Variants in LRRTM4 observed in about 807,000 individuals in gnomAD.
LRRTM4 encodes leucine rich repeat transmembrane neuronal 4, also known as leucine-rich repeat transmembrane neuronal protein 4.
In LRRTM4, 25 loss-of-function variants were observed where a neutral mutation model predicts 47.6. That is an observed-to-expected ratio of 0.53 (90% CI 0.38 to 0.73). The LOEUF (loss-of-function observed/expected upper bound fraction) is 0.73. LRRTM4 is among the 30% of genes least tolerant of loss of function. The probability of loss-of-function intolerance (pLI) is 0.00; values close to 1 mark genes in which losing one functional copy is unlikely to be tolerated. For missense variants in LRRTM4, 638 were observed against 713.4 expected (o/e 0.89, Z 1.20); for synonymous variants, 311 against 269.5 (o/e 1.15, Z -1.51).
intron 3 of LRRTM4, among the ~76,000 whole-genome samples, chr2:76,844,326 G>A (rs1182213247): frequency 2.6e-5 from 4 of 151,916 alleles, no homozygotes; most frequent in African/African-American, 9.7e-5. Flanking sequence ...TGGTAGAGAC[G>A]AGGTTTCACC....
chr2:77,481,467 C>T (rs115088674), intron 3 of LRRTM4, among the ~76,000 whole-genome samples: 2,634 of 152,242 alleles, frequency 0.017, 83 homozygotes, highest in African/African-American at 0.06. Flanking sequence ...TAAATGGATT[C>T]TACCTTTGAC....
At chr2:76,961,509 T>C (rs1222918275) in intron 3 of LRRTM4, among the ~76,000 whole-genome samples, 1 of 151,394 alleles carries the variant, frequency 6.6e-6, no homozygotes, top group Non-Finnish European at 1.5e-5. Flanking sequence ...TCTCATTATA[T>C]ATTTTCTTCA....
At chr2:76,774,417 C>T (rs185532653) in intron 3 of LRRTM4, among the ~76,000 whole-genome samples, 185 of 152,228 alleles carry the variant, frequency 1.2e-3, no homozygotes, top group South Asian at 9.5e-3. Context: ...GTCTCAATCT[C>T]CTGACCTCGT....
intron 3 of LRRTM4, among the ~76,000 whole-genome samples, chr2:77,215,963 C>G (rs1012645264): frequency 2.1e-4 from 32 of 152,140 alleles, no homozygotes; most frequent in Admixed American, 1.9e-3. Context: ...GCTGCCTCCT[C>G]CACATCATTT....
chr2:77,381,435 A>G (rs1270511317), intron 3 of LRRTM4, among the ~76,000 whole-genome samples: 3 of 152,136 alleles, frequency 2.0e-5, no homozygotes, highest in African/African-American at 7.2e-5. Context: ...GCCGTATAAC[A>G]GCAAGGGAGC....
rs568994951 is a variant in LRRTM4 at position 77,258,327 on chromosome 2, T to C, written c.1551+259991A>G. Reference sequence around the variant, plus strand: ...GTACACGTTACCATACCACAGATCATTGCACAATGGAGATATTTATGGGAT... The same window carrying C: ...GTACACGTTACCATACCACAGATCACTGCACAATGGAGATATTTATGGGAT... On this transcript the variant is annotated intron_variant, in intron 3 of 3. Transcript: ENST00000409884. Among the ~76,000 whole-genome samples, 52 of 152,204 alleles carry C rather than the reference T, an allele frequency of 3.4e-4. 2 individuals are homozygous for C. The highest frequency in any genetic ancestry group is 3.3e-3 in the Admixed American group (51 of 15,250).
In LRRTM4 at chr2:76,937,880, A is replaced by G. The variant is rs375401784; in HGVS notation, c.1552-188964T>C. Among the ~76,000 whole-genome samples the G allele has an allele frequency of 7.9e-5, 12 of 152,166 alleles. No individual in the cohort carries two copies. The South Asian group carries it at 2.5e-3, about 32-fold the overall frequency. ...TGCACCCGGCCATCTTTATATATAT[A>G]TTTTTAAAAATGAAACCTTAATACC... On this transcript the variant is annotated intron_variant, in intron 3 of 3. Coordinates refer to ENST00000409884, the MANE Select transcript of LRRTM4 (RefSeq NM_001134745.3).
chr2:77,045,945 T>C (rs958937513), intron 3 of LRRTM4, among the ~76,000 whole-genome samples: 6 of 151,992 alleles, frequency 3.9e-5, no homozygotes, highest in African/African-American at 1.2e-4. Context: ...ATTTGATTGT[T>C]ATATCTCTTA....
chr2:77,181,152 CA>C (rs1194551269), intron 3 of LRRTM4, among the ~76,000 whole-genome samples: 1 of 152,102 alleles, frequency 6.6e-6, no homozygotes, highest in Non-Finnish European at 1.5e-5. Flanking sequence ...TGTCTGTAAA[CA>C]ATACTACAGG....
At chr2:77,368,786 TAA>T (rs1309892928) in intron 3 of LRRTM4, among the ~76,000 whole-genome samples, 1 of 151,756 alleles carries the variant, frequency 6.6e-6, no homozygotes, top group Non-Finnish European at 1.5e-5. Context: ...CTGTAGTGAA[TAA>T]TGCTGAAGTG....
chr2:77,187,403 T>C (rs1343855367), intron 3 of LRRTM4, among the ~76,000 whole-genome samples: 2 of 142,912 alleles, frequency 1.4e-5, no homozygotes, highest in African/African-American at 2.6e-5. Context: ...TGAGCCTGCC[T>C]ATATAAAAGT....
At chr2:77,084,163 T>C (rs1051677800) in intron 3 of LRRTM4, among the ~76,000 whole-genome samples, 7 of 152,146 alleles carry the variant, frequency 4.6e-5, no homozygotes, top group Non-Finnish European at 8.8e-5. Flanking sequence ...CGATAATATA[T>C]GAACAGAAAG....
At chr2:77,073,140 G>C (rs1312848126) in intron 3 of LRRTM4, among the ~76,000 whole-genome samples, 1 of 151,176 alleles carries the variant, frequency 6.6e-6, no homozygotes, top group Non-Finnish European at 1.5e-5. Flanking sequence ...TTCTGATACA[G>C]AGGCAAACAC....
At chr2:76,870,353 T>G (rs1672587631) in intron 3 of LRRTM4, among the ~76,000 whole-genome samples, 1 of 152,140 alleles carries the variant, frequency 6.6e-6, no homozygotes, top group Admixed American at 6.6e-5. Flanking sequence ...CTCTCACCAA[T>G]TCTTGTACGG....
intron 3 of LRRTM4, among the ~76,000 whole-genome samples, chr2:77,221,834 C>T (rs1465857054): frequency 1.3e-5 from 2 of 152,122 alleles, no homozygotes; most frequent in Admixed American, 1.3e-4. Context: ...AGGAATTGAA[C>T]TCAGCTCTGC....
chr2:77,452,715 C>A lies in LRRTM4; in HGVS notation c.1551+65603G>T, dbSNP rs566619192. 2.6e-5 allele frequency among the ~76,000 whole-genome samples: 4 copies of A among 152,210 alleles called. No individual in the cohort carries two copies. The East Asian group carries it at 5.8e-4, about 22-fold the overall frequency. ...CATTTTCATTTTGCACGGCGCCCTGCAAATTATGTAGTTAATCCTGCTAGA... is the reference window on the plus strand; with the variant it reads ...CATTTTCATTTTGCACGGCGCCCTGAAAATTATGTAGTTAATCCTGCTAGA... On this transcript the variant is annotated intron_variant, in intron 3 of 3. Transcript: ENST00000409884.
At chr2:76,966,093 G>A (rs1676014352) in intron 3 of LRRTM4, among the ~76,000 whole-genome samples, 2 of 151,418 alleles carry the variant, frequency 1.3e-5, no homozygotes, top group Non-Finnish European at 3.0e-5. Flanking sequence ...GATAGACAAA[G>A]GATTTTAAAG....
intron 3 of LRRTM4, among the ~76,000 whole-genome samples, chr2:77,099,452 G>T (rs537429554): frequency 6.6e-6 from 1 of 151,682 alleles, no homozygotes; most frequent in Non-Finnish European, 1.5e-5. Flanking sequence ...TATATATTTG[G>T]GTGTGTGTGT....
intron 3 of LRRTM4, among the ~76,000 whole-genome samples, chr2:77,361,240 A>C (rs1229601421): frequency 1.3e-5 from 2 of 152,036 alleles, no homozygotes; most frequent in Admixed American, 6.6e-5. Flanking sequence ...TCATTAAAAA[A>C]AAAAAAAATT....
Sources: gnomAD v4.1 joint callset for allele counts (sites outside exome capture counted in the v4.1 genomes callset) on GRCh38, gnomAD v4.1.1 for gene constraint, MANE v1.5 for transcripts, NCBI Gene and HGNC (gene_info 2026-07-23, HGNC 2026-07-21) for gene names.